Variants in MGMT observed in about 807,000 individuals in gnomAD.
MGMT encodes the protein O-6-methylguanine-DNA methyltransferase, also known as methylated-DNA--protein-cysteine methyltransferase.
A neutral mutation model predicts 15.9 loss-of-function variants in MGMT; 14 were observed. The observed-to-expected ratio is 0.88, with a 90% CI of 0.58 to 1.37. The LOEUF (loss-of-function observed/expected upper bound fraction) is 1.37. MGMT is among the 40% of genes most tolerant of loss of function. MGMT has a pLI of 0.00. For synonymous variants in MGMT, 130 were observed against 118.2 expected (o/e 1.10, Z -0.65); for missense variants, 282 against 268.1 (o/e 1.05, Z -0.36).
At chr10:129,561,782 G>A (rs1331529659) in intron 2 of MGMT, among the ~76,000 whole-genome samples, 3 of 152,052 alleles carry the variant, frequency 2.0e-5, no homozygotes, top group Non-Finnish European at 2.9e-5. Flanking sequence ...GTGCTACATT[G>A]ACCAGGTCCA....
chr10:129,545,236 G>A (rs1057104967), intron 2 of MGMT, among the ~76,000 whole-genome samples: 2 of 152,204 alleles, frequency 1.3e-5, no homozygotes, highest in Non-Finnish European at 2.9e-5. Flanking sequence ...AGTGACTTCT[G>A]TTCTCCTGTG....
intron 1 of MGMT, among the ~76,000 whole-genome samples, chr10:129,518,911 GT>G (rs1408244950): frequency 6.6e-6 from 1 of 151,886 alleles, no homozygotes; most frequent in African/African-American, 2.4e-5. Context: ...ATATTTTGCC[GT>G]TTGTATTATA....
Position 129,489,862 on chromosome 10 carries a change from T to C in MGMT, c.-13+22566T>C, listed in dbSNP as rs188822599. ...ATGAATATACCACATATATATTCTT[T>C]GTTTTTTCTACATAGACAGAGTTTT... is the stretch of plus-strand genomic sequence containing the variant. On this transcript the variant is annotated intron_variant, in intron 1 of 4. Transcript: ENST00000651593. Among the ~76,000 whole-genome samples the C allele has an allele frequency of 2.8e-3, 400 of 145,170 alleles. 2 individuals are homozygous for C. The highest frequency in any genetic ancestry group is 9.6e-3 in the African/African-American group (373 of 38,936).
rs1240193010 is a variant in MGMT at position 129,532,685 on chromosome 10, T to C, written c.-12-3556T>C. Among the ~76,000 whole-genome samples the C allele has an allele frequency of 1.3e-5, 2 of 152,114 alleles. No individual in the cohort carries two copies. The highest frequency in any genetic ancestry group is 6.5e-5 in the Admixed American group (1 of 15,284). On this transcript the variant is annotated intron_variant, in intron 1 of 4. Coordinates refer to ENST00000651593, the MANE Select transcript of MGMT (RefSeq NM_002412.5). The surrounding 1 kb of genome is among the most constrained non-coding windows in gnomAD (Gnocchi z 5.3). ...TTGGGGGTGAACTCGAGGTGTGGTC[T>C]GTGCAGAATGGCGTGACAGCCCTTC...
At chr10:129,572,475 C>T (rs1390981020) in intron 2 of MGMT, among the ~76,000 whole-genome samples, 2 of 152,198 alleles carry the variant, frequency 1.3e-5, no homozygotes, top group South Asian at 2.1e-4. Flanking sequence ...CTTACTTAGA[C>T]GTCCTCAGAG....
intron 2 of MGMT, among the ~76,000 whole-genome samples, chr10:129,568,750 G>A (rs1267020433): frequency 3.3e-5 from 5 of 152,120 alleles, no homozygotes; most frequent in Non-Finnish European, 5.9e-5. Context: ...TAGCATGGGA[G>A]CTGGCCCTGG....
chr10:129,574,606 A>G (rs118016728), intron 2 of MGMT, among the ~76,000 whole-genome samples: 1 of 152,130 alleles, frequency 6.6e-6, no homozygotes, highest in Non-Finnish European at 1.5e-5. Context: ...TGGGTTCAAT[A>G]TTAGCTCTGC....
chr10:129,752,653 ACTTT>A (rs1207862150), intron 3 of MGMT, among the ~76,000 whole-genome samples: 1 of 151,912 alleles, frequency 6.6e-6, no homozygotes, highest in Admixed American at 6.5e-5. Context: ...GGATTATAAT[ACTTT>A]CTTTCACAGT....
chr10:129,722,557 T>A (rs1420018464), intron 3 of MGMT, among the ~76,000 whole-genome samples: 1 of 152,206 alleles, frequency 6.6e-6, no homozygotes, highest in Non-Finnish European at 1.5e-5. Context: ...TTTGTAGGAC[T>A]TACATTACCT....
rs541453804 is a variant in MGMT at position 129,518,756 on chromosome 10, T to C, written c.-12-17485T>C. 3.8e-4 allele frequency among the ~76,000 whole-genome samples: 57 copies of C among 151,058 alleles called. No homozygotes were observed. The South Asian group carries it at 0.012, about 31-fold the overall frequency. ...ATACACAATATGTGTTAGTTGAATG[T>C]TTATGTTATCATTAAGACTTCCATT... On this transcript the variant is annotated intron_variant, in intron 1 of 4. Transcript: ENST00000651593.
chr10:129,479,592 G>T (rs1318576033), intron 1 of MGMT, among the ~76,000 whole-genome samples: 2 of 152,166 alleles, frequency 1.3e-5, no homozygotes, highest in Non-Finnish European at 2.9e-5. Flanking sequence ...AAAAGTTTGT[G>T]TGAGTGATGA....
chr10:129,696,511 A>G (rs149619116), intron 2 of MGMT, among the ~76,000 whole-genome samples: 23 of 152,248 alleles, frequency 1.5e-4, no homozygotes, highest in African/African-American at 5.3e-4. Context: ...AGGCAGAGAA[A>G]TGTAGCTTTC....
intron 3 of MGMT, among the ~76,000 whole-genome samples, chr10:129,715,832 CAT>C (rs1382815780): frequency 6.6e-6 from 1 of 152,230 alleles, no homozygotes; most frequent in Middle Eastern, 3.2e-3. Flanking sequence ...TGCTTTCACA[CAT>C]ACGGTTTTTG....
chr10:129,473,562 CAAGTGCAGGCTCAT>C (rs1415374252), intron 1 of MGMT, among the ~76,000 whole-genome samples: 2 of 152,142 alleles, frequency 1.3e-5, no homozygotes, highest in Non-Finnish European at 2.9e-5. Context: ...ATTTGATAAC[CAAGTGCAGGCTCAT>C]AACCACTTGT....
intron 2 of MGMT, among the ~76,000 whole-genome samples, chr10:129,670,191 A>C (rs2133111809): frequency 6.6e-6 from 1 of 151,856 alleles, no homozygotes; most frequent in Non-Finnish European, 1.5e-5. Context: ...TATTTTATGC[A>C]GAGTACCTGC....
chr10:129,687,875 G>C (rs541180445), intron 2 of MGMT, among the ~76,000 whole-genome samples: 2 of 151,632 alleles, frequency 1.3e-5, no homozygotes, highest in South Asian at 2.1e-4. Context: ...AGGCCCTGGT[G>C]TGTGATGTTC....
rs79570391 is a variant in MGMT at position 129,674,285 on chromosome 10, A to C, written c.126-33610A>C. 2.6e-5 allele frequency among the ~76,000 whole-genome samples: 4 copies of C among 152,174 alleles called. No homozygotes were observed. The East Asian group carries it at 5.8e-4, about 22-fold the overall frequency. On this transcript the variant is annotated intron_variant, in intron 2 of 4. Transcript: ENST00000651593. ...TTGCAAGCCAGTTGTAAAAAAAAAA[A>C]ATAGTATAAACTCCTCACTGACGGT...
intron 2 of MGMT, among the ~76,000 whole-genome samples, chr10:129,575,746 G>C (rs1442634690): frequency 6.6e-6 from 1 of 151,892 alleles, no homozygotes; most frequent in Admixed American, 6.6e-5. Context: ...GAATCCAGGA[G>C]CTGATTTTTT....
intron 3 of MGMT, among the ~76,000 whole-genome samples, chr10:129,754,443 G>T (rs1272289695): frequency 2.6e-5 from 4 of 152,144 alleles, no homozygotes; most frequent in African/African-American, 4.8e-5. Flanking sequence ...CCCCTCACTG[G>T]TTTGGGCTCC....
Sources: allele counts gnomAD v4.1 joint callset (sites outside exome capture counted in the v4.1 genomes callset), GRCh38; gene constraint gnomAD v4.1.1; non-coding constraint Gnocchi (gnomAD v3.1); transcripts MANE v1.5; gene names NCBI Gene and HGNC (gene_info 2026-07-23, HGNC 2026-07-21).